MARCHF10: variants seen among roughly 807,000 people sequenced by gnomAD.
MARCHF10 encodes probable E3 ubiquitin-protein ligase MARCHF10.
A neutral mutation model predicts 76.2 loss-of-function variants in MARCHF10; 64 were observed. The ratio of observed to expected loss-of-function variants is 0.84; its 90% CI spans 0.69 to 1.03. The LOEUF (loss-of-function observed/expected upper bound fraction) is 1.03. MARCHF10 is among the 50% of genes least tolerant of loss of function. The pLI, the probability that MARCHF10 is intolerant of heterozygous loss-of-function variation, is 0.00. For synonymous variants in MARCHF10, 340 were observed against 357.5 expected, an observed-to-expected ratio of 0.95 and a Z score of 0.55; for missense variants, 875 against 958.0, an observed-to-expected ratio of 0.91 and a Z score of 1.14.
In MARCHF10 at chr17:62,761,970, T is replaced by C. The variant is rs1013406888; in HGVS notation, c.211-1964A>G. Among the ~76,000 whole-genome samples the C allele has an allele frequency of 7.2e-4, 109 of 152,272 alleles. 1 individual carries two copies. The highest frequency in any genetic ancestry group is 2.6e-3 in the African/African-American group (109 of 41,556). On this transcript the variant is annotated intron_variant, in intron 3 of 10. Coordinates refer to ENST00000311269, the MANE Select transcript of MARCHF10 (RefSeq NM_152598.4). ...CACAGGGCCCTGCAAGTGAGCCCTTTATTTCCAGCCAGCAGAAAGGCAGGA... is the reference window on the plus strand; with the variant it reads ...CACAGGGCCCTGCAAGTGAGCCCTTCATTTCCAGCCAGCAGAAAGGCAGGA...
chr17:62,732,038 C>T (rs2091045688), intron 6 of MARCHF10, among the ~76,000 whole-genome samples: 1 of 152,022 alleles, frequency 6.6e-6, no homozygotes, highest in Non-Finnish European at 1.5e-5. Flanking sequence ...AATACTGTTT[C>T]AATAGCAAAT....
At chr17:62,710,015 C>T (rs1322788376) in intron 9 of MARCHF10, among the ~76,000 whole-genome samples, 1 of 152,222 alleles carries the variant, frequency 6.6e-6, no homozygotes, top group African/African-American at 2.4e-5. Flanking sequence ...CTCTGGTTCC[C>T]AGCTTGCTCC....
chr17:62,795,948 T>C (rs2092977140), intron 2 of MARCHF10, among the ~76,000 whole-genome samples: 1 of 151,446 alleles, frequency 6.6e-6, no homozygotes, highest in Admixed American at 6.6e-5. Flanking sequence ...ATTATCTAAA[T>C]ACACATGGGC....
At chr17:62,733,514 T>C (rs35432569) in intron 6 of MARCHF10, among the ~76,000 whole-genome samples, 9,036 of 152,214 alleles carry the variant, frequency 0.059, 303 homozygotes, top group African/African-American at 0.093. Context: ...TGACACTAAA[T>C]TGGCATTATT....
chr17:62,795,791 C>A (rs1282882727), intron 2 of MARCHF10, among the ~76,000 whole-genome samples: 1 of 152,186 alleles, frequency 6.6e-6, no homozygotes, highest in African/African-American at 2.4e-5. Context: ...GTTATTAGGT[C>A]TTAGCCTGTT....
chr17:62,727,695 A>T, intron 6 of MARCHF10, among the ~76,000 whole-genome samples: 1 of 152,320 alleles, frequency 6.6e-6, no homozygotes, highest in Middle Eastern at 3.4e-3. Flanking sequence ...TGAATCCACA[A>T]TAGTGCTGGA....
chr17:62,786,166 A>C (rs1198666741), intron 3 of MARCHF10, among the ~76,000 whole-genome samples: 7 of 152,216 alleles, frequency 4.6e-5, no homozygotes, highest in African/African-American at 1.7e-4. Context: ...GATTAAGAAA[A>C]TGTGGCACAT....
At chr17:62,759,808 A>C (rs1395069833) in intron 4 of MARCHF10, 27 bp downstream of exon 4, 3 of 1,606,710 alleles carry the variant, frequency 1.9e-6, no homozygotes, top group Middle Eastern at 1.7e-4. Flanking sequence ...TTTAGATCTG[A>C]TGAATTTCAA....
Position 62,712,927 on chromosome 17 carries a change from T to G in MARCHF10, c.2215-1583A>C, listed in dbSNP as rs2090004963. Among the ~76,000 whole-genome samples, 1 of 152,102 alleles carries G rather than the reference T, an allele frequency of 6.6e-6. No homozygotes were observed. The highest frequency in any genetic ancestry group is 2.4e-5 in the African/African-American group (1 of 41,408). ...GCCCAGCTAATTTTTGTATTTTTAG[T>G]AGAGATGGGGTTTCATCATGTTGGC... On this transcript the variant is annotated intron_variant, in intron 8 of 10. Coordinates refer to ENST00000311269, the MANE Select transcript of MARCHF10 (RefSeq NM_152598.4). This position sits in a 1 kb window ranked among gnomAD's most constrained non-coding sequence, Gnocchi z 4.2.
chr17:62,753,457 C>T (rs1254123210), intron 4 of MARCHF10, among the ~76,000 whole-genome samples: 1 of 152,202 alleles, frequency 6.6e-6, no homozygotes, highest in Non-Finnish European at 1.5e-5. Context: ...TCCCTGAGAT[C>T]TTCTTCAATG....
At chr17:62,743,726 G>T (rs567035965) in intron 5 of MARCHF10, among the ~76,000 whole-genome samples, 1 of 152,286 alleles carries the variant, frequency 6.6e-6, no homozygotes, top group East Asian at 1.9e-4. Context: ...TTTCCTAAGA[G>T]AAAGAATGGG....
intron 1 of MARCHF10, among the ~76,000 whole-genome samples, chr17:62,803,722 G>A (rs1047372201): frequency 6.6e-6 from 1 of 152,052 alleles, no homozygotes; most frequent in African/African-American, 2.4e-5. Context: ...CACCATATCG[G>A]CCAGACTGAT....
chr17:62,768,131 G>A (rs773207120), intron 3 of MARCHF10, among the ~76,000 whole-genome samples: 47 of 152,190 alleles, frequency 3.1e-4, no homozygotes, highest in Admixed American at 4.6e-4. Flanking sequence ...GGACTGTCAC[G>A]TGTGCAAGAG....
rs77551436 is a variant in MARCHF10, at chr17:62,701,820, G to A, written c.2372-62C>T. 6.6e-3 allele frequency: 10,590 copies of A among 1,605,414 alleles called. 541 individuals are homozygous for A. In the African/African-American group the frequency reaches 0.12, roughly 17 times the overall value. ...CAGCAGACCGTGGGTCTGTTACAGGGGGCACGGCACTGCTGCTTCATCTTC... is the reference window on the plus strand; with the variant it reads ...CAGCAGACCGTGGGTCTGTTACAGGAGGCACGGCACTGCTGCTTCATCTTC... On this transcript the variant is annotated intron_variant, in intron 10 of 10. Transcript: ENST00000311269.
chr17:62,720,860 ATTTTTTTT>A (rs56688878), intron 8 of MARCHF10, among the ~76,000 whole-genome samples: 8 of 87,992 alleles, frequency 9.1e-5, no homozygotes, highest in Non-Finnish European at 1.5e-4. Context: ...GTAAGTTGTG[ATTTTTTTT>A]TTTTTTTTTT....
chr17:62,797,395 G>A (rs976795664), intron 2 of MARCHF10, among the ~76,000 whole-genome samples: 5 of 152,152 alleles, frequency 3.3e-5, no homozygotes, highest in African/African-American at 1.2e-4. Flanking sequence ...TAGTAGAGAC[G>A]GGGTTTCACG....
intron 3 of MARCHF10, among the ~76,000 whole-genome samples, chr17:62,763,269 G>A (rs1244843259): frequency 6.6e-6 from 1 of 152,178 alleles, no homozygotes; most frequent in Non-Finnish European, 1.5e-5. Context: ...AAAGTCCCCA[G>A]TGAAAAATCC....
intron 4 of MARCHF10, among the ~76,000 whole-genome samples, chr17:62,752,431 G>A (rs1327471137): frequency 6.6e-6 from 1 of 152,172 alleles, no homozygotes; most frequent in Non-Finnish European, 1.5e-5. Context: ...GCAGCTCAAA[G>A]GCAACACCGC....
At chr17:62,735,855 T>G (rs1162262238) in intron 6 of MARCHF10, 76 bp downstream of exon 6, 1 of 1,386,650 alleles carries the variant, frequency 7.2e-7, no homozygotes, top group Admixed American at 2.3e-5. Context: ...AAAATTCCCA[T>G]GGCTCTCTAA....
Sources: allele counts gnomAD v4.1 joint callset (sites outside exome capture counted in the v4.1 genomes callset), GRCh38; gene constraint gnomAD v4.1.1; non-coding constraint Gnocchi (gnomAD v3.1); transcripts MANE v1.5; gene names NCBI Gene and HGNC (gene_info 2026-07-23, HGNC 2026-07-21).